The following MAGED1 variants were observed in gnomAD, a reference collection of about 807,000 sequenced individuals.
The protein encoded by MAGED1 is melanoma-associated antigen D1.
Under a neutral mutation model 54.1 loss-of-function variants are expected in MAGED1, and 3 were observed. That is an observed-to-expected ratio of 0.06 (90% CI 0.03 to 0.14). The LOEUF is 0.14. Ranked by LOEUF, MAGED1 falls within the 10% of genes least tolerant of loss-of-function variation. The pLI is 1.00. For synonymous variants in MAGED1, 217 were observed against 227.3 expected, an observed-to-expected ratio of 0.95 and a Z score of 0.41; for missense variants, 485 against 623.4, an observed-to-expected ratio of 0.78 and a Z score of 2.36.
At chrX:51,810,071 A>G (rs1925166420) in intron 1 of MAGED1, among the ~76,000 whole-genome samples, 1 of 111,676 alleles carries the variant, frequency 9.0e-6, no homozygotes, top group Admixed American at 9.6e-5. Context: ...TATGTATTTT[A>G]AGTGTATCAA....
Position 51,894,948 on chromosome X carries a change from C to T in MAGED1, c.46-105C>T, listed in dbSNP as rs1928658420. 13 of 912,262 alleles carry T rather than the reference C, an allele frequency of 1.4e-5. No individual in the cohort carries two copies. In the South Asian group the frequency reaches 3.0e-4, roughly 21 times the overall value. The allele number at this position is 912,262 out of a possible 1,213,427, so 75.2% of individuals were successfully genotyped here. A position where few individuals can be genotyped will look rare whatever the true frequency, so the allele number is the denominator to read the frequency against. On this transcript the variant is annotated intron_variant, in intron 2 of 12. Transcript: ENST00000326587. The stretch of plus-strand genomic sequence containing the variant: ...GCCCCCCTGTTTTTGCACCCACCGC[C>T]CGCCTGCAGCTCCGCTGCTGCGCTG...
At chrX:51,822,284 T>C (rs1251216943) in intron 1 of MAGED1, among the ~76,000 whole-genome samples, 1 of 111,902 alleles carries the variant, frequency 8.9e-6, no homozygotes, top group Non-Finnish European at 1.9e-5. Flanking sequence ...GTAGTTTTTG[T>C]TTTTCTAGGA....
At chrX:51,817,228 G>C (rs950898112) in intron 1 of MAGED1, among the ~76,000 whole-genome samples, 5 of 111,941 alleles carry the variant, frequency 4.5e-5, no homozygotes, top group Middle Eastern at 4.6e-3. Flanking sequence ...CTGTAAATTA[G>C]AATAAGTCTA....
At chrX:51,899,953 T>C (rs1928934925) in intron 10 of MAGED1, 2 of 334,456 alleles carry the variant, frequency 6.0e-6, no homozygotes, top group Non-Finnish European at 1.0e-5. Flanking sequence ...AATGTTGTCC[T>C]TTCTGTGACC....
At chrX:51,805,190 T>C (rs1284259520) in intron 1 of MAGED1, among the ~76,000 whole-genome samples, 1 of 112,167 alleles carries the variant, frequency 8.9e-6, no homozygotes, top group Non-Finnish European at 1.9e-5. Context: ...CTCGCTGCTC[T>C]TACCACTTTG....
Position 51,847,747 on chromosome X carries a change from C to T in MAGED1, c.-37+44630C>T, listed in dbSNP as rs556703468. 3.6e-5 allele frequency among the ~76,000 whole-genome samples: 4 copies of T among 111,952 alleles called. 1 individual carries two copies. The South Asian group carries it at 1.5e-3, about 42-fold the overall frequency. ...GTCGGAGATTCTCCGGGGGACCCTC[C>T]TCCTATCTCTTTCTCCTGCATTTAT... On this transcript the variant is annotated intron_variant, in intron 1 of 12. Transcript: ENST00000375772.
chrX:51,868,361 G>T (rs1927531458), intron 1 of MAGED1, among the ~76,000 whole-genome samples: 2 of 111,184 alleles, frequency 1.8e-5, no homozygotes, highest in South Asian at 3.8e-4. Flanking sequence ...AGGAAAATGA[G>T]ATATCAGGGA....
intron 1 of MAGED1, among the ~76,000 whole-genome samples, chrX:51,884,696 G>A (rs1928178097): frequency 8.9e-6 from 1 of 111,859 alleles, no homozygotes; most frequent in Non-Finnish European, 1.9e-5. Context: ...ACATTAATAT[G>A]TCTCACGAAC....
At chrX:51,851,703 T>C (rs1391873666) in intron 1 of MAGED1, among the ~76,000 whole-genome samples, 2 of 109,133 alleles carry the variant, frequency 1.8e-5, no homozygotes, top group Non-Finnish European at 3.8e-5. Context: ...GGAGCATCTA[T>C]AGCACAGATA....
At chrX:51,816,534 A>G (rs1925433781) in intron 1 of MAGED1, among the ~76,000 whole-genome samples, 1 of 112,070 alleles carries the variant, frequency 8.9e-6, no homozygotes, top group Non-Finnish European at 1.9e-5. Flanking sequence ...TACAGTATTC[A>G]GTACAGTAAC....
rs1236226900 is a variant in MAGED1 at position 51,884,816 on chromosome X, T to G, written c.-36-9453T>G. Reference sequence around the variant, plus strand: ...TATTCCATGTACGGTTCAGCATCCATAAATCCAGCAATGTAATCCATTATA... The same window carrying G: ...TATTCCATGTACGGTTCAGCATCCAGAAATCCAGCAATGTAATCCATTATA... On this transcript the variant is annotated intron_variant, in intron 1 of 12. Coordinates refer to the MAGED1 transcript ENST00000375772. 9.8e-5 allele frequency among the ~76,000 whole-genome samples: 11 copies of G among 112,378 alleles called. 1 individual carries two copies. Among genetic ancestry groups the G allele is most frequent in the Admixed American group, 9.4e-4 (10 of 10,622 alleles).
chrX:51,848,705 C>CA (rs1253817600), intron 1 of MAGED1, among the ~76,000 whole-genome samples: 8 of 111,714 alleles, frequency 7.2e-5, no homozygotes, highest in Non-Finnish European at 1.3e-4. Flanking sequence ...CAAAATATGC[C>CA]GGTGGCTTGA....
At chrX:51,871,721 C>T (rs1229823761) in intron 1 of MAGED1, among the ~76,000 whole-genome samples, 2 of 111,462 alleles carry the variant, frequency 1.8e-5, no homozygotes, top group Non-Finnish European at 3.8e-5. Flanking sequence ...TGAATAGTGC[C>T]ACAATAAACA....
At chrX:51,850,254 C>T (rs1481382820) in intron 1 of MAGED1, among the ~76,000 whole-genome samples, 1 of 111,522 alleles carries the variant, frequency 9.0e-6, no homozygotes, top group African/African-American at 3.3e-5. Flanking sequence ...TGAGGAGGCT[C>T]ACGCTCTAGT....
Position 51,898,444 on chromosome X carries a change from C to T in MAGED1, c.1781+117C>T, listed in dbSNP as rs1364522367. ...GGGTTTGGTTTGGGGATGTTCAGAG[C>T]CCAAAGATGTGACCTGGGTGGATGG... On this transcript the variant is annotated intron_variant, in intron 9 of 12. Transcript: ENST00000326587. 6 of 996,742 alleles carry T rather than the reference C, an allele frequency of 6.0e-6. No individual in the cohort carries two copies. The African/African-American group carries it at 1.1e-4, about 19-fold the overall frequency. 82.1% of individuals were successfully genotyped at this position (996,742 alleles called of 1,213,427 possible).
At chrX:51,854,421 G>A (rs1021541954) in intron 1 of MAGED1, among the ~76,000 whole-genome samples, 17 of 111,842 alleles carry the variant, frequency 1.5e-4, no homozygotes, top group Admixed American at 4.7e-4. Context: ...ACAAGTAGGG[G>A]TTAGAGAACT....
intron 1 of MAGED1, among the ~76,000 whole-genome samples, chrX:51,865,870 G>A (rs1254308320): frequency 9.0e-6 from 1 of 111,038 alleles, no homozygotes; most frequent in Non-Finnish European, 1.9e-5. Flanking sequence ...GAGTTCTCAC[G>A]AGATCTGGTT....
chrX:51,803,457 C>T (rs1924921548), intron 1 of MAGED1, among the ~76,000 whole-genome samples: 1 of 108,644 alleles, frequency 9.2e-6, no homozygotes, highest in African/African-American at 3.4e-5. Flanking sequence ...TACCTCCTAC[C>T]TCTCACCTCC....
At chrX:51,817,372 G>T (rs782591250) in intron 1 of MAGED1, among the ~76,000 whole-genome samples, 7 of 111,595 alleles carry the variant, frequency 6.3e-5, no homozygotes, top group Non-Finnish European at 1.1e-4. Context: ...TTACCATAAC[G>T]CTAATGTTGT....
Sources: allele counts gnomAD v4.1 joint callset (sites outside exome capture counted in the v4.1 genomes callset), GRCh38; gene constraint gnomAD v4.1.1; transcripts MANE v1.5; gene names NCBI Gene and HGNC (gene_info 2026-07-23, HGNC 2026-07-21).